TMPRSS11F: variants seen among roughly 807,000 people sequenced by gnomAD.
TMPRSS11F encodes the protein transmembrane serine protease 11F.
TMPRSS11F carries 47 observed loss-of-function variants against 60.2 expected under a neutral mutation model. The ratio of observed to expected loss-of-function variants is 0.78; its 90% CI spans 0.62 to 1.00. The LOEUF is 1.00. TMPRSS11F is among the 50% of genes least tolerant of loss of function. The pLI, the probability that TMPRSS11F is intolerant of heterozygous loss-of-function variation, is 0.00. For synonymous variants in TMPRSS11F, 166 were observed against 167.3 expected (o/e 0.99, Z 0.06); for missense variants, 519 against 522.9 (o/e 0.99, Z 0.07).
At position 68,064,639 on chromosome 4, in the gene TMPRSS11F, T is replaced by G. The variant is rs111407092; in HGVS notation, c.1015+46A>C. 3.1e-4 allele frequency: 499 copies of G among 1,590,704 alleles called. 2 individuals are homozygous for G. The African/African-American group carries it at 6.1e-3, about 20-fold the overall frequency. ...TCTTTAAGATAGATAGCTCGTTTGA[T>G]CTCAAGACATTCTTGTGCTAAGAAA... On this transcript the variant is annotated intron_variant, in intron 8 of 9. Coordinates refer to ENST00000356291, the MANE Select transcript of TMPRSS11F (RefSeq NM_207407.2).
chr4:68,062,674 C>G, intron 8 of TMPRSS11F: 4 of 762,048 alleles, frequency 5.2e-6, no homozygotes, highest in Non-Finnish European at 2.4e-6. Flanking sequence ...TCTTTCTTCT[C>G]ATGCTGCTTT....
intron 2 of TMPRSS11F, among the ~76,000 whole-genome samples, chr4:68,092,191 A>G (rs1378147921): frequency 6.8e-6 from 1 of 146,058 alleles, no homozygotes; most frequent in African/African-American, 2.5e-5. Flanking sequence ...TTAAAAACAA[A>G]CATTCATTTA....
chr4:68,064,607 G>A, intron 8 of TMPRSS11F, 78 bp downstream of exon 8: 1 of 1,473,646 alleles, frequency 6.8e-7, no homozygotes, highest in South Asian at 1.3e-5. Context: ...AAAAGCTTAA[G>A]AGGGATTCTT....
chr4:68,097,888 T>C (rs1724104233), intron 2 of TMPRSS11F, among the ~76,000 whole-genome samples: 1 of 152,120 alleles, frequency 6.6e-6, no homozygotes, highest in African/African-American at 2.4e-5. Flanking sequence ...ATAATGAGGG[T>C]AGGAAGGTAA....
chr4:68,075,943 A>T (rs1431822571), intron 3 of TMPRSS11F, among the ~76,000 whole-genome samples: 1 of 152,018 alleles, frequency 6.6e-6, no homozygotes, highest in Non-Finnish European at 1.5e-5. Context: ...CAGTGAGCCA[A>T]GATTAGGCCA....
intron 1 of TMPRSS11F, among the ~76,000 whole-genome samples, chr4:68,109,287 A>G (rs755900123): frequency 6.6e-6 from 1 of 151,956 alleles, no homozygotes; most frequent in Non-Finnish European, 1.5e-5. Context: ...CCCGGCCGGT[A>G]CTCCAGTAAC....
intron 3 of TMPRSS11F, among the ~76,000 whole-genome samples, chr4:68,088,702 C>A (rs1723865313): frequency 6.6e-6 from 1 of 152,092 alleles, no homozygotes. Context: ...TCTCTCAGCC[C>A]ACAGTGCAAT....
intron 8 of TMPRSS11F, among the ~76,000 whole-genome samples, chr4:68,064,234 G>A (rs1723272640): frequency 6.6e-6 from 1 of 150,486 alleles, no homozygotes; most frequent in African/African-American, 2.5e-5. Flanking sequence ...ACCCAGGTAG[G>A]AGTGCAATGT....
intron 1 of TMPRSS11F, among the ~76,000 whole-genome samples, chr4:68,117,461 C>G (rs1724549262): frequency 1.1e-5 from 1 of 92,178 alleles, no homozygotes; most frequent in Non-Finnish European, 2.0e-5. Flanking sequence ...GAGCGAGACT[C>G]TGTCTCAAAA....
intron 7 of TMPRSS11F, among the ~76,000 whole-genome samples, chr4:68,066,850 C>A (rs10021559): frequency 0.72 from 109,060 of 150,936 alleles, 40,212 homozygotes; most frequent in East Asian, 0.88. Context: ...AGGAGAATGG[C>A]GTGAACCCGG....
chr4:68,069,449 T>C (rs1723404794), intron 6 of TMPRSS11F, among the ~76,000 whole-genome samples: 1 of 152,166 alleles, frequency 6.6e-6, no homozygotes, highest in Non-Finnish European at 1.5e-5. Flanking sequence ...AAACCCTCAA[T>C]TGACTAGATT....
chr4:68,065,033 TA>T, intron 7 of TMPRSS11F, 89 bp from the exon 8 acceptor site: 1 of 1,301,042 alleles, frequency 7.7e-7, no homozygotes. Context: ...CTGTCAGTAT[TA>T]TGCTCCTGAA....
At chr4:68,095,235 C>T (rs1724048181) in intron 2 of TMPRSS11F, among the ~76,000 whole-genome samples, 1 of 151,292 alleles carries the variant, frequency 6.6e-6, no homozygotes, top group Admixed American at 6.6e-5. Flanking sequence ...TATGTGTGTA[C>T]AAAATTTTTC....
chr4:68,091,833 C>T (rs536912023), intron 2 of TMPRSS11F, among the ~76,000 whole-genome samples: 2 of 151,694 alleles, frequency 1.3e-5, no homozygotes, highest in Admixed American at 1.3e-4. Context: ...GTTGCCCAGG[C>T]TGGAGTGCAG....
intron 1 of TMPRSS11F, among the ~76,000 whole-genome samples, chr4:68,124,186 A>C (rs1055916429): frequency 1.3e-5 from 2 of 149,666 alleles, no homozygotes; most frequent in Non-Finnish European, 3.0e-5. Context: ...GCACCACTGC[A>C]CTCCAGCCTG....
At chr4:68,096,635 C>T (rs1263092988) in intron 2 of TMPRSS11F, among the ~76,000 whole-genome samples, 2 of 152,098 alleles carry the variant, frequency 1.3e-5, no homozygotes, top group Non-Finnish European at 2.9e-5. Context: ...TTTATTAATT[C>T]TTATTTTAAA....
chr4:68,107,655 T>C (rs7665299), intron 1 of TMPRSS11F, among the ~76,000 whole-genome samples: 145,566 of 152,232 alleles, frequency 0.96, 69,947 homozygotes, highest in East Asian at 1. Context: ...CACATCATAA[T>C]CCAGCAGGCC....
rs113328515 is a variant in TMPRSS11F at position 68,067,699 on chromosome 4, T to C, written c.755+919A>G. On this transcript the variant is annotated intron_variant, in intron 7 of 9. Coordinates refer to ENST00000356291, the MANE Select transcript of TMPRSS11F (RefSeq NM_207407.2). ...TAAGTGAGTCCCTTTTCTCTTCTTT[T>C]CTGCGAAAAAGCAACAGATAATCAC... 8.2e-3 allele frequency among the ~76,000 whole-genome samples: 1,251 copies of C among 152,348 alleles called. 18 individuals carry two copies. Among genetic ancestry groups the C allele is most frequent in the African/African-American group, 0.028 (1,163 of 41,584 alleles).
chr4:68,120,428 G>T (rs1724602786), intron 1 of TMPRSS11F, among the ~76,000 whole-genome samples: 1 of 138,652 alleles, frequency 7.2e-6, no homozygotes, highest in East Asian at 2.1e-4. Flanking sequence ...TCGCTCTGTC[G>T]CCCAGGCTGG....
Sources: allele counts gnomAD v4.1 joint callset (sites outside exome capture counted in the v4.1 genomes callset), GRCh38; gene constraint gnomAD v4.1.1; transcripts MANE v1.5; gene names NCBI Gene and HGNC (gene_info 2026-07-23, HGNC 2026-07-21).